The following SULF2 variants were observed in gnomAD, a reference collection of about 807,000 sequenced individuals.
SULF2 encodes sulfatase 2, also known as extracellular sulfatase Sulf-2.
Under a neutral mutation model 107.7 loss-of-function variants are expected in SULF2, and 52 were observed. That is an observed-to-expected ratio of 0.48 (90% CI 0.39 to 0.61). The LOEUF (loss-of-function observed/expected upper bound fraction) is 0.61, where lower values mean the gene tolerates loss of function less well. Among genes scored for constraint, SULF2 ranks in the 20% least tolerant of loss-of-function variants. The pLI, the probability that SULF2 is intolerant of heterozygous loss-of-function variation, is 0.00. For missense variants in SULF2, 993 were observed against 1,177.3 expected (o/e 0.84, Z 2.29); for synonymous variants, 460 against 464.3 (o/e 0.99, Z 0.12).
At chr20:47,689,912 T>G (rs2088138743) in intron 5 of SULF2, 1 of 411,438 alleles carries the variant, frequency 2.4e-6, no homozygotes, top group East Asian at 3.7e-5. Context: ...GTATCCCAAG[T>G]TAAAAATTCT....
At chr20:47,765,661 T>A (rs2090515613) in intron 1 of SULF2, among the ~76,000 whole-genome samples, 2 of 152,206 alleles carry the variant, frequency 1.3e-5, no homozygotes, top group Non-Finnish European at 2.9e-5. Flanking sequence ...GAGGCAGTGT[T>A]CAGTGATAGG....
chr20:47,743,850 G>A (rs999749601), intron 2 of SULF2, among the ~76,000 whole-genome samples: 3 of 152,106 alleles, frequency 2.0e-5, no homozygotes, highest in African/African-American at 4.8e-5. Flanking sequence ...CACCAAGCAC[G>A]CTTCTGCCTC....
rs145087865 is a variant in SULF2 at position 47,774,262 on chromosome 20, G to A, written c.-101+11081C>T. ...GGAAAGCCCGGGTCAGAGGCTCTGC[G>A]AGCTGAGATTAGTCTGGATCAGTTT... On this transcript the variant is annotated intron_variant, in intron 1 of 20. Coordinates refer to ENST00000688720, the MANE Select transcript of SULF2 (RefSeq NM_001387048.1). 3.0e-3 allele frequency among the ~76,000 whole-genome samples: 462 copies of A among 152,334 alleles called. 2 individuals carry two copies. The highest frequency in any genetic ancestry group is 5.1e-3 in the Non-Finnish European group (348 of 68,030).
intron 2 of SULF2, among the ~76,000 whole-genome samples, chr20:47,740,872 G>A (rs1392185189): frequency 6.6e-6 from 1 of 152,082 alleles, no homozygotes; most frequent in Non-Finnish European, 1.5e-5. Flanking sequence ...CCACAGCCAA[G>A]CCCTGATGTC....
At chr20:47,768,837 G>A (rs192589576) in intron 1 of SULF2, among the ~76,000 whole-genome samples, 46 of 150,844 alleles carry the variant, frequency 3.0e-4, no homozygotes, top group African/African-American at 8.5e-4. Flanking sequence ...CATAACTTGT[G>A]ATTCCTCTAT....
chr20:47,727,572 G>T (rs78055051), intron 3 of SULF2, among the ~76,000 whole-genome samples: 1 of 152,078 alleles, frequency 6.6e-6, no homozygotes, highest in East Asian at 1.9e-4. Flanking sequence ...AGAGGGTGTC[G>T]CCTGGAAACA....
chr20:47,772,900 T>G (rs1213410747), intron 1 of SULF2, among the ~76,000 whole-genome samples: 3 of 143,606 alleles, frequency 2.1e-5, no homozygotes, highest in South Asian at 2.1e-4. Flanking sequence ...TGGAGAGAGA[T>G]ATGTTTGCAG....
Position 47,683,026 on chromosome 20 carries a change from G to A in SULF2, c.1032C>T (p.Tyr344=), listed in dbSNP as rs201897954. The A allele has an allele frequency of 2.0e-4, 325 of 1,612,458 alleles. No homozygotes were observed. Among genetic ancestry groups the A allele is most frequent in the Non-Finnish European group, 2.6e-4 (304 of 1,179,158 alleles). The change falls in exon 7 of 21, where the codon TAC becomes TAT. Residue 344 remains tyrosine, a synonymous_variant. Coordinates refer to ENST00000688720, the MANE Select transcript of SULF2 (RefSeq NM_001387048.1). ...CGGCTTCCACGTTGGGGCCCCTCAC[G>A]TAGAACGGGACCCTGATGTCAAACT... ...PYEFDIRVPF[Y]VRGPNVEAGC... is the part of the protein sequence containing the mutation.
intron 3 of SULF2, among the ~76,000 whole-genome samples, chr20:47,723,104 T>C (rs1372688039): frequency 1.3e-5 from 2 of 150,434 alleles, no homozygotes; most frequent in African/African-American, 2.4e-5. Context: ...ATTAGCTGAG[T>C]GTAGTGGTGG....
At chr20:47,735,969 G>A (rs542039219) in intron 3 of SULF2, among the ~76,000 whole-genome samples, 6 of 152,282 alleles carry the variant, frequency 3.9e-5, no homozygotes, top group Non-Finnish European at 5.9e-5. Context: ...TTTCACAACC[G>A]CCGCGGCTTC....
intron 1 of SULF2, among the ~76,000 whole-genome samples, chr20:47,766,635 C>T (rs1016840602): frequency 3.9e-5 from 6 of 152,164 alleles, no homozygotes; most frequent in African/African-American, 1.4e-4. Flanking sequence ...AAAGAAAGCT[C>T]CCTGCCCTCC....
rs118146709 is a variant in SULF2, at chr20:47,778,793, C to T, written c.-101+6550G>A. ...CAGAGAGGTGAGCATGTGGGATATG[C>T]TAAAAATATTCATCAAATAGATTCA... is the stretch of plus-strand genomic sequence containing the variant. On this transcript the variant is annotated intron_variant, in intron 1 of 20. Coordinates refer to ENST00000688720, the MANE Select transcript of SULF2 (RefSeq NM_001387048.1). Among the ~76,000 whole-genome samples, 1,135 of 152,124 alleles carry T rather than the reference C, an allele frequency of 7.5e-3. 10 individuals carry two copies. Among genetic ancestry groups the T allele is most frequent in the Non-Finnish European group, 0.012 (827 of 67,998 alleles).
At position 47,663,172 on chromosome 20, in the gene SULF2, C is replaced by T. The variant is rs201891400; in HGVS notation, c.2268G>A (p.Thr756=). 92 of 1,614,020 alleles carry T rather than the reference C, an allele frequency of 5.7e-5. No individual in the cohort carries two copies. Among genetic ancestry groups the T allele is most frequent in the African/African-American group, 1.2e-4 (9 of 74,908 alleles). ...CATTGATGGTCCTCATGCACCAGTACGTGTTATTGTTGGCGCTGGTGCAGG... is the reference window on the plus strand; with the variant it reads ...CATTGATGGTCCTCATGCACCAGTATGTGTTATTGTTGGCGCTGGTGCAGG... ...FCACTSANNN[T]YWCMRTINET... is the part of the protein sequence containing the mutation. Residue 756 remains threonine, a synonymous_variant, in exon 17 of 21, where the codon ACG becomes ACA. Transcript: ENST00000688720.
At chr20:47,767,182 G>C (rs2090543776) in intron 1 of SULF2, among the ~76,000 whole-genome samples, 1 of 152,200 alleles carries the variant, frequency 6.6e-6, no homozygotes, top group Non-Finnish European at 1.5e-5. Context: ...ACTTCATCTG[G>C]AAAGTGAGGA....
At chr20:47,764,343 T>C (rs1198915171) in intron 1 of SULF2, among the ~76,000 whole-genome samples, 3 of 152,218 alleles carry the variant, frequency 2.0e-5, no homozygotes, top group African/African-American at 7.2e-5. Context: ...GCTTGCGGCA[T>C]AGCAGGCATT....
chr20:47,688,968 C>T (rs1281523337), intron 5 of SULF2, among the ~76,000 whole-genome samples: 2 of 151,914 alleles, frequency 1.3e-5, no homozygotes, highest in Non-Finnish European at 2.9e-5. Context: ...TGAGTCACTG[C>T]TAAGCAGGGG....
chr20:47,723,366 C>T (rs35481868), intron 3 of SULF2, among the ~76,000 whole-genome samples: 6,779 of 152,114 alleles, frequency 0.045, 286 homozygotes, highest in African/African-American at 0.1. Context: ...GAGTACTAAC[C>T]GACACAGGAA....
intron 15 of SULF2, 108 bp downstream of exon 15, chr20:47,664,022 G>T: frequency 8.2e-7 from 1 of 1,225,808 alleles, no homozygotes; most frequent in Non-Finnish European, 1.2e-6. Flanking sequence ...GACTTCCCAG[G>T]GAAGGGCCTG....
chr20:47,771,490 CAGA>C (rs1179650741), intron 1 of SULF2, among the ~76,000 whole-genome samples: 4 of 152,312 alleles, frequency 2.6e-5, no homozygotes, highest in African/African-American at 9.6e-5. Flanking sequence ...GAAAACCCCA[CAGA>C]AGAATAAGAC....
Sources: allele counts gnomAD v4.1 joint callset (sites outside exome capture counted in the v4.1 genomes callset), GRCh38; gene constraint gnomAD v4.1.1; transcripts MANE v1.5; gene names NCBI Gene and HGNC (gene_info 2026-07-23, HGNC 2026-07-21).